Variants in HIRA observed in about 807,000 individuals in gnomAD.
HIRA encodes histone cell cycle regulator.
In HIRA, 13 loss-of-function variants were observed where a neutral mutation model predicts 126.6. That is an observed-to-expected ratio of 0.10 (90% CI 0.07 to 0.16). The LOEUF is 0.16. Ranked by LOEUF, HIRA falls within the 10% of genes least tolerant of loss-of-function variation. The pLI, the probability that HIRA is intolerant of heterozygous loss-of-function variation, is 1.00. For missense variants in HIRA, 834 were observed against 1,314.4 expected (o/e 0.63, Z 5.65); for synonymous variants, 511 against 520.0 (o/e 0.98, Z 0.24).
rs550514440 is a variant in HIRA, at chr22:19,374,293, G to A, written c.1775+1338C>T. Among the ~76,000 whole-genome samples the A allele has an allele frequency of 3.4e-3, 524 of 152,052 alleles. 3 individuals are homozygous for A. The highest frequency in any genetic ancestry group is 0.012 in the African/African-American group (490 of 41,504). On this transcript the variant is annotated intron_variant, in intron 15 of 24. Transcript: ENST00000263208. The stretch of plus-strand genomic sequence containing the variant: ...AGGTTGCAGTGAGCAGAGTGGCTAG[G>A]ACAATAGACATAAGCCACAACACCT...
At chr22:19,348,973 G>A (rs1601807431) in intron 24 of HIRA, among the ~76,000 whole-genome samples, 1 of 150,782 alleles carries the variant, frequency 6.6e-6, no homozygotes, top group South Asian at 2.1e-4. Flanking sequence ...TAGTAGAGTC[G>A]GGGTTTCACC....
In HIRA at chr22:19,351,878, G is replaced by A. The variant is rs1355648419; in HGVS notation, c.2849-432C>T. ...CCGCAGGAGGTAAGAGATGGCAAAG[G>A]CATGACTGAAGAGGGGCAACTGAGT... On this transcript the variant is annotated intron_variant, in intron 23 of 24. Coordinates refer to ENST00000263208, the MANE Select transcript of HIRA (RefSeq NM_003325.4). The surrounding 1 kb of genome is among the most constrained non-coding windows in gnomAD (Gnocchi z 4.8). 6.6e-6 allele frequency among the ~76,000 whole-genome samples: 1 copy of A among 152,136 alleles called. No homozygotes were observed. Among genetic ancestry groups the A allele is most frequent in the Non-Finnish European group, 1.5e-5 (1 of 68,034 alleles).
intron 9 of HIRA, among the ~76,000 whole-genome samples, chr22:19,390,899 T>G (rs1300140761): frequency 6.6e-6 from 1 of 152,076 alleles, no homozygotes; most frequent in Non-Finnish European, 1.5e-5. Context: ...CAGCAACACG[T>G]GTCAGCAATG....
chr22:19,428,664 A>G (rs1248128539), intron 1 of HIRA, among the ~76,000 whole-genome samples: 2 of 152,192 alleles, frequency 1.3e-5, no homozygotes, highest in Non-Finnish European at 1.5e-5. Context: ...AAGTATGTTC[A>G]TGCTGGGTGC....
At chr22:19,385,237 A>C (rs1290365108) in intron 12 of HIRA, among the ~76,000 whole-genome samples, 1 of 152,188 alleles carries the variant, frequency 6.6e-6, no homozygotes, top group African/African-American at 2.4e-5. Context: ...TGTTGTTAGC[A>C]TCTAGGATTT....
At chr22:19,347,756 T>C (rs904293986) in intron 24 of HIRA, among the ~76,000 whole-genome samples, 2 of 152,062 alleles carry the variant, frequency 1.3e-5, no homozygotes, top group Middle Eastern at 3.2e-3. Flanking sequence ...CTGGTCAACA[T>C]GGTGAAACCC....
chr22:19,385,959 T>C, intron 11 of HIRA, among the ~76,000 whole-genome samples: 1 of 152,220 alleles, frequency 6.6e-6, no homozygotes, highest in East Asian at 1.9e-4. Context: ...CTTGTATCTG[T>C]AGCTGGGATG....
At chr22:19,391,032 A>T (rs1242015082) in intron 9 of HIRA, among the ~76,000 whole-genome samples, 2 of 152,044 alleles carry the variant, frequency 1.3e-5, no homozygotes, top group Non-Finnish European at 2.9e-5. Context: ...CCACATAAAG[A>T]CTTATACAAG....
chr22:19,331,294 G>A lies in HIRA; in HGVS notation c.*146C>T. The A allele has an allele frequency of 6.3e-7, 1 of 1,576,860 alleles. No individual in the cohort carries two copies. The highest frequency in any genetic ancestry group is 8.6e-7 in the Non-Finnish European group (1 of 1,168,310). ...GACACAGGGCACATCTGCCCAGGGA[G>A]CTGGGCTGGCGCTGGTGCAGGACAG... On this transcript the variant is annotated 3_prime_UTR_variant, in exon 25 of 25. Coordinates refer to ENST00000263208, the MANE Select transcript of HIRA (RefSeq NM_003325.4).
rs147759692 is a variant in HIRA at position 19,399,411 on chromosome 22, T to C, written c.398-1324A>G. Among the ~76,000 whole-genome samples the C allele has an allele frequency of 5.0e-3, 758 of 152,082 alleles. 25 individuals are homozygous for C. The highest frequency in any genetic ancestry group is 0.044 in the Admixed American group (670 of 15,266). On this transcript the variant is annotated intron_variant, in intron 5 of 24. Coordinates refer to ENST00000263208, the MANE Select transcript of HIRA (RefSeq NM_003325.4). ...TGTGGTTCACATTTTGTATTCTAAA[T>C]GCCTATGTGATCTTCACAGCTTCTT...
chr22:19,344,477 C>T (rs1229743542), intron 24 of HIRA, among the ~76,000 whole-genome samples: 2 of 152,102 alleles, frequency 1.3e-5, no homozygotes, highest in East Asian at 1.9e-4. Flanking sequence ...AAAATCTGGA[C>T]GGATCTCTAA....
intron 1 of HIRA, among the ~76,000 whole-genome samples, chr22:19,417,009 G>A (rs1311298871): frequency 1.3e-5 from 2 of 151,912 alleles, no homozygotes; most frequent in South Asian, 4.2e-4. Flanking sequence ...AGACCAGCCT[G>A]GCCAACATGG....
chr22:19,337,778 T>A (rs2088582269), intron 24 of HIRA, among the ~76,000 whole-genome samples: 1 of 151,984 alleles, frequency 6.6e-6, no homozygotes, highest in Non-Finnish European at 1.5e-5. Flanking sequence ...TCAGGTAACC[T>A]ATACACGAAA....
intron 24 of HIRA, among the ~76,000 whole-genome samples, chr22:19,337,277 G>A (rs1295367822): frequency 1.3e-5 from 2 of 151,640 alleles, no homozygotes; most frequent in African/African-American, 2.4e-5. Context: ...GATGAAAAAT[G>A]CTCCAGAGAA....
intron 5 of HIRA, chr22:19,405,364 T>C (rs1017159179): frequency 7.6e-5 from 32 of 423,688 alleles, no homozygotes; most frequent in Non-Finnish European, 9.2e-5. Context: ...CCATGCCAAG[T>C]TTATTTAAAA....
intron 24 of HIRA, among the ~76,000 whole-genome samples, chr22:19,336,676 C>T (rs1434473648): frequency 1.3e-5 from 2 of 152,242 alleles, no homozygotes; most frequent in Non-Finnish European, 2.9e-5. Context: ...GTGCTGGTAT[C>T]CACAGCTGGG....
At chr22:19,358,082 C>T (rs1320971346) in intron 18 of HIRA, among the ~76,000 whole-genome samples, 1 of 152,100 alleles carries the variant, frequency 6.6e-6, no homozygotes, top group African/African-American at 2.4e-5. Context: ...TCACTGCAAC[C>T]TCCGCCTCCC....
intron 15 of HIRA, among the ~76,000 whole-genome samples, chr22:19,372,423 G>T (rs1345297365): frequency 6.6e-6 from 1 of 151,968 alleles, no homozygotes; most frequent in African/African-American, 2.4e-5. Flanking sequence ...TTTAAGCTGT[G>T]TTATTCGTCT....
intron 1 of HIRA, among the ~76,000 whole-genome samples, chr22:19,412,890 T>C (rs1324948382): frequency 6.6e-6 from 1 of 152,132 alleles, no homozygotes; most frequent in African/African-American, 2.4e-5. Context: ...TACATAATCA[T>C]ACAAACTCCC....
Sources: allele counts gnomAD v4.1 joint callset (sites outside exome capture counted in the v4.1 genomes callset), GRCh38; gene constraint gnomAD v4.1.1; non-coding constraint Gnocchi (gnomAD v3.1); transcripts MANE v1.5; gene names NCBI Gene and HGNC (gene_info 2026-07-23, HGNC 2026-07-21).